SENP6: variants seen among roughly 807,000 people sequenced by gnomAD.
The protein encoded by SENP6 is SUMO specific peptidase 6.
SENP6 carries 41 observed loss-of-function variants against 134.5 expected under a neutral mutation model. The ratio of observed to expected loss-of-function variants is 0.30; its 90% CI spans 0.24 to 0.40. The LOEUF is 0.40. Ranked by LOEUF, SENP6 falls within the 10% of genes least tolerant of loss-of-function variation. SENP6 has a pLI of 1.00. For synonymous variants in SENP6, 395 were observed against 429.8 expected (o/e 0.92, Z 1.00); for missense variants, 1,248 against 1,312.5 (o/e 0.95, Z 0.76).
intron 6 of SENP6, among the ~76,000 whole-genome samples, chr6:75,642,538 G>A (rs958477829): frequency 4.6e-5 from 7 of 152,192 alleles, no homozygotes; most frequent in Admixed American, 4.6e-4. Flanking sequence ...GAAAAAAGGG[G>A]CCACTAAGGC....
chr6:75,624,059 C>T (rs756569468), intron 3 of SENP6, 99 bp downstream of exon 3: 5 of 842,950 alleles, frequency 5.9e-6, no homozygotes, highest in Non-Finnish European at 7.3e-6. Context: ...CCCAGTTACC[C>T]ACTTTCTCCA....
chr6:75,618,910 T>C (rs1227362540), intron 1 of SENP6, among the ~76,000 whole-genome samples: 1 of 152,170 alleles, frequency 6.6e-6, no homozygotes, highest in Admixed American at 6.5e-5. Flanking sequence ...TTAAGACTTA[T>C]TTCCTCCTGT....
chr6:75,712,585 G>A (rs151267647), intron 21 of SENP6, among the ~76,000 whole-genome samples: 45 of 151,686 alleles, frequency 3.0e-4, no homozygotes, highest in Non-Finnish European at 5.9e-4. Context: ...TTTAACATTT[G>A]AGGAGTTTGG....
At position 75,659,252 on chromosome 6, in the gene SENP6, C is replaced by T. The variant is rs1442042713; in HGVS notation, c.551-10C>T. The T allele has an allele frequency of 1.9e-6, 3 of 1,569,682 alleles. No homozygotes were observed. The highest frequency in any genetic ancestry group is 2.1e-5 in the Admixed American group (1 of 47,388). On this transcript the variant is annotated splice_polypyrimidine_tract_variant and intron_variant, in intron 7 of 23. Coordinates refer to ENST00000447266, the MANE Select transcript of SENP6 (RefSeq NM_015571.4). The stretch of plus-strand genomic sequence containing the variant: ...AAAACTTAAAGTTTATTTTTTTCTC[C>T]TTCCTTTAGAACGTATAATGAAGAA...
Position 75,713,773 on chromosome 6 carries a change from A to G in SENP6, c.3077A>G (p.Asn1026Ser). ...AATCCAAAAGTACCACAGCAAAACA[A>G]CTTCAGTGACTGTGGTGTATATGTA... ...GSNPKVPQQN[N>S]FSDCGVYVLQ... Residue 1026 changes from asparagine to serine, a missense_variant, in exon 23 of 24, where the codon AAC (asparagine) becomes AGC (serine). Physicochemically the swap from Asn to Ser is conservative, Grantham distance 46. Coordinates refer to ENST00000447266, the MANE Select transcript of SENP6 (RefSeq NM_015571.4). 1 of 1,613,638 alleles carries G rather than the reference A, an allele frequency of 6.2e-7. No individual in the cohort carries two copies. The highest frequency in any genetic ancestry group is 8.5e-7 in the Non-Finnish European group (1 of 1,179,742).
At chr6:75,634,591 TTTG>T (rs1769360150) in intron 4 of SENP6, 113 bp from the exon 5 acceptor site, 1 of 544,840 alleles carries the variant, frequency 1.8e-6, no homozygotes, top group Non-Finnish European at 3.1e-6. Flanking sequence ...CCATAAATTT[TTTG>T]TTGTTGTTGG....
chr6:75,674,146 CTTTTTTTT>C (rs770350544), intron 11 of SENP6, among the ~76,000 whole-genome samples: 11 of 128,498 alleles, frequency 8.6e-5, no homozygotes, highest in African/African-American at 2.0e-4. Flanking sequence ...CAAGCTACTC[CTTTTTTTT>C]TTTTTTTTTT....
At chr6:75,676,181 C>T in intron 13 of SENP6, 127 bp downstream of exon 13, 1 of 519,832 alleles carries the variant, frequency 1.9e-6, no homozygotes. Context: ...ATTGTCACAG[C>T]CACCTTGTGA....
At chr6:75,643,555 C>T (rs1225269938) in intron 6 of SENP6, among the ~76,000 whole-genome samples, 7 of 152,178 alleles carry the variant, frequency 4.6e-5, no homozygotes, top group Non-Finnish European at 8.8e-5. Context: ...AACCCCGCCT[C>T]TATTAAAAAT....
chr6:75,610,998 A>AAC (rs1767407652), intron 1 of SENP6: 1 of 125,238 alleles, frequency 8.0e-6, no homozygotes, highest in Non-Finnish European at 1.8e-5. Context: ...GTGGACGACG[A>AAC]GGAACTAGAA....
At chr6:75,698,875 G>A (rs1774830193) in intron 18 of SENP6, among the ~76,000 whole-genome samples, 1 of 151,976 alleles carries the variant, frequency 6.6e-6, no homozygotes, top group African/African-American at 2.4e-5. Context: ...GCTGGGCGTG[G>A]TGGTGCGTGC....
chr6:75,697,960 T>G (rs1774768947), intron 18 of SENP6: 1 of 154,398 alleles, frequency 6.5e-6, no homozygotes, highest in African/African-American at 2.4e-5. Context: ...TGTGGACTAC[T>G]TGAAGCAGTT....
intron 4 of SENP6, among the ~76,000 whole-genome samples, chr6:75,634,082 G>A (rs914159006): frequency 3.3e-5 from 5 of 152,078 alleles, no homozygotes; most frequent in African/African-American, 7.2e-5. Flanking sequence ...CTCAATAGGG[G>A]ACTTAAAAAT....
rs1776059248 is a variant in SENP6, at chr6:75,717,148, A to G, written c.*1554A>G. ...ATATCTTAATTAGCTCATATGAAAAACAAGTTTAATTTTATTATTTACTGA... is the reference window on the plus strand; with the variant it reads ...ATATCTTAATTAGCTCATATGAAAAGCAAGTTTAATTTTATTATTTACTGA... On this transcript the variant is annotated 3_prime_UTR_variant, in exon 24 of 24. Coordinates refer to ENST00000447266, the MANE Select transcript of SENP6 (RefSeq NM_015571.4). 1 of 152,050 alleles carries G rather than the reference A, an allele frequency of 6.6e-6. No homozygotes were observed. The highest frequency in any genetic ancestry group is 1.9e-4 in the East Asian group (1 of 5,200). 9.4% of individuals were successfully genotyped at this position (152,050 alleles called of 1,614,324 possible).
chr6:75,618,972 A>G (rs1182739702), intron 1 of SENP6, among the ~76,000 whole-genome samples: 1 of 133,688 alleles, frequency 7.5e-6, no homozygotes. Flanking sequence ...GAAGTTTTAT[A>G]TTTTTTAGAG....
chr6:75,652,408 A>G (rs1225594952), intron 7 of SENP6, among the ~76,000 whole-genome samples: 1 of 151,942 alleles, frequency 6.6e-6, no homozygotes, highest in Non-Finnish European at 1.5e-5. Flanking sequence ...CAATGTTTTG[A>G]CATTTAAAAT....
At chr6:75,642,929 A>T (rs1201815346) in intron 6 of SENP6, among the ~76,000 whole-genome samples, 1 of 152,166 alleles carries the variant, frequency 6.6e-6, no homozygotes, top group Non-Finnish European at 1.5e-5. Flanking sequence ...GGTAAAACCA[A>T]TCTTTTTGGT....
At chr6:75,676,414 T>C (rs1361641962) in intron 13 of SENP6, among the ~76,000 whole-genome samples, 2 of 152,160 alleles carry the variant, frequency 1.3e-5, no homozygotes, top group Non-Finnish European at 2.9e-5. Context: ...ATCTTGAAAC[T>C]TGGCCTGAAT....
chr6:75,649,799 G>C (rs1161269433), intron 7 of SENP6, among the ~76,000 whole-genome samples: 1 of 152,196 alleles, frequency 6.6e-6, no homozygotes, highest in Non-Finnish European at 1.5e-5. Context: ...ACACGCGTCA[G>C]CCACCGCGCC....
Sources: gnomAD v4.1 joint callset for allele counts (sites outside exome capture counted in the v4.1 genomes callset) on GRCh38, gnomAD v4.1.1 for gene constraint, MANE v1.5 for transcripts, NCBI Gene and HGNC (gene_info 2026-07-23, HGNC 2026-07-21) for gene names.